The following CASZ1 variants were observed in gnomAD, a reference collection of about 807,000 sequenced individuals.
CASZ1 encodes the protein castor zinc finger 1.
CASZ1 carries 28 observed loss-of-function variants against 135.2 expected under a neutral mutation model. The observed-to-expected ratio is 0.21, with a 90% CI of 0.15 to 0.28. CASZ1 has a LOEUF of 0.28. Among genes scored for constraint, CASZ1 ranks in the 10% least tolerant of loss-of-function variants. The probability of loss-of-function intolerance (pLI) is 1.00; values close to 1 mark genes in which losing one functional copy is unlikely to be tolerated. For synonymous variants in CASZ1, 1,068 were observed against 1,073.4 expected (o/e 0.99, Z 0.10); for missense variants, 2,161 against 2,453.3 (o/e 0.88, Z 2.52).
Position 10,642,841 on chromosome 1 carries a change from C to A in CASZ1, c.4162+18G>T, listed in dbSNP as rs1178029025. The A allele has an allele frequency of 6.2e-7, 1 of 1,609,670 alleles. No homozygotes were observed. ...GAGTGGGGCCTGGCCCTGCCAGCAGCCCCTGCCTGCCGCTCACCTGCCGCG... is the reference window on the plus strand; with the variant it reads ...GAGTGGGGCCTGGCCCTGCCAGCAGACCCTGCCTGCCGCTCACCTGCCGCG... On this transcript the variant is annotated intron_variant, in intron 20 of 20. Transcript: ENST00000377022.
intron 4 of CASZ1, among the ~76,000 whole-genome samples, chr1:10,667,448 A>G (rs986963289): frequency 2.0e-5 from 3 of 152,124 alleles, no homozygotes; most frequent in South Asian, 2.1e-4. Context: ...CACATCTCCA[A>G]GTCTGTGCCA....
In CASZ1 at chr1:10,762,291, C is replaced by A. The variant is rs574130063; in HGVS notation, c.-233-1434G>T. 1.3e-5 allele frequency among the ~76,000 whole-genome samples: 2 copies of A among 152,122 alleles called. No homozygotes were observed. The highest frequency in any genetic ancestry group is 2.9e-5 in the Non-Finnish European group (2 of 68,016). ...TTGGATCAGCCCAGCTCCCATCCCA[C>A]CCCTCGGCGCCACACAGGGTTAACA... is the stretch of plus-strand genomic sequence containing the variant. On this transcript the variant is annotated intron_variant, in intron 1 of 20. Coordinates refer to ENST00000377022, the MANE Select transcript of CASZ1 (RefSeq NM_001079843.3). This position sits in a 1 kb window ranked among gnomAD's most constrained non-coding sequence, Gnocchi z 4.1.
chr1:10,682,949 C>A (rs1288809446), intron 4 of CASZ1, among the ~76,000 whole-genome samples: 1 of 152,246 alleles, frequency 6.6e-6, no homozygotes, highest in Non-Finnish European at 1.5e-5. Flanking sequence ...TCCAGGCCTG[C>A]CTGTCCATTC....
intron 20 of CASZ1, among the ~76,000 whole-genome samples, chr1:10,640,352 C>G (rs776793026): frequency 1.2e-4 from 18 of 152,192 alleles, no homozygotes; most frequent in Non-Finnish European, 2.6e-4. Flanking sequence ...TGCTTCCTGG[C>G]CAGTTTGGGT....
Position 10,666,741 on chromosome 1 carries a change from C to G in CASZ1, c.17-1170G>C, listed in dbSNP as rs1643248674. On this transcript the variant is annotated intron_variant, in intron 4 of 20. Transcript: ENST00000377022. The surrounding 1 kb of genome is among the most constrained non-coding windows in gnomAD (Gnocchi z 5.2). ...CTGGGGGGGCATACGGCAAGCCCAC[C>G]CACCACACAGCCTGGGACCTGCCAC... 6.6e-6 allele frequency among the ~76,000 whole-genome samples: 1 copy of G among 152,208 alleles called. No individual in the cohort carries two copies. Among genetic ancestry groups the G allele is most frequent in the Non-Finnish European group, 1.5e-5 (1 of 68,030 alleles).
At chr1:10,642,379 A>G (rs1570395826) in intron 20 of CASZ1, 1 of 156,402 alleles carries the variant, frequency 6.4e-6, no homozygotes. Flanking sequence ...AAAACAAAGA[A>G]CAAACAAACA....
At position 10,725,343 on chromosome 1, in the gene CASZ1, C is replaced by G. The variant is rs905651650; in HGVS notation, c.-76-19799G>C. Among the ~76,000 whole-genome samples, 7 of 152,182 alleles carry G rather than the reference C, an allele frequency of 4.6e-5. No homozygotes were observed. The highest frequency in any genetic ancestry group is 1.0e-4 in the Non-Finnish European group (7 of 68,024). ...TGCGTGTGGCTGTCAGCTGAGCTCC[C>G]CTCCCGCCCTCCCTCTCCGGCAGGC... On this transcript the variant is annotated intron_variant, in intron 2 of 20. Transcript: ENST00000377022. The surrounding 1 kb of genome is among the most constrained non-coding windows in gnomAD (Gnocchi z 4.4).
rs1264076182 is a variant in CASZ1 at position 10,693,877 on chromosome 1, T to C, written c.13A>G (p.Thr5Ala). MDLG[T>A]AEGTRCTDPP... ...CTGCGTTCCCACCGGCCGGTACCTG[T>C]TCCAAGATCCATTCTCTTCTCCTTG... Residue 5 changes from threonine (T) to alanine (A), a missense_variant, in exon 4 of 21, where the codon ACA becomes GCA. Physicochemically the swap from Thr to Ala is moderately conservative, Grantham distance 58. Transcript: ENST00000377022. The C allele has an allele frequency of 6.2e-7, 1 of 1,610,224 alleles. No homozygotes were observed.
In CASZ1 at chr1:10,638,562, G is replaced by C. The variant is rs993839010; in HGVS notation, c.*380C>G. On this transcript the variant is annotated 3_prime_UTR_variant, in exon 21 of 21. Transcript: ENST00000377022. This position sits in a 1 kb window ranked among gnomAD's most constrained non-coding sequence, Gnocchi z 5.9. ...CCCCGCCCTGGTGGCGCGCGGTGGG[G>C]GTCCCGGTGGCCCCCAGCGCCCGTC... 10 of 151,268 alleles carry C rather than the reference G, an allele frequency of 6.6e-5. No homozygotes were observed. Among genetic ancestry groups the C allele is most frequent in the African/African-American group, 1.9e-4 (8 of 41,200 alleles). 9.4% of individuals were successfully genotyped at this position (151,268 alleles called of 1,614,324 possible). A position where few individuals can be genotyped will look rare whatever the true frequency, so the allele number is the denominator to read the frequency against.
chr1:10,714,616 C>T (rs533788970), intron 2 of CASZ1, among the ~76,000 whole-genome samples: 16 of 152,234 alleles, frequency 1.1e-4, no homozygotes, highest in Non-Finnish European at 7.3e-5. Context: ...GATTTCTGCC[C>T]AGCCAGGAAT....
At chr1:10,694,000 C>A (rs1304948405) in intron 3 of CASZ1, 88 bp from the exon 4 acceptor site, 1 of 1,323,208 alleles carries the variant, frequency 7.6e-7, no homozygotes, top group Non-Finnish European at 1.1e-6. Flanking sequence ...CCCTGCTTGT[C>A]CCCCGCCCCG....
chr1:10,640,078 G>A lies in CASZ1; in HGVS notation c.4163-19C>T. On this transcript the variant is annotated intron_variant, in intron 20 of 20. Transcript: ENST00000377022. ...GTGTTCCCTGGGGAGGGGCAGGGAG[G>A]TCAGTGCAGAAGAGGGACCCACGTG... 6.3e-7 allele frequency: 1 copy of A among 1,595,674 alleles called. No individual in the cohort carries two copies. The highest frequency in any genetic ancestry group is 1.7e-4 in the Middle Eastern group (1 of 6,016).
Position 10,653,461 on chromosome 1 carries a change from T to A in CASZ1, c.2596A>T (p.Ile866Phe), listed in dbSNP as rs372534488. 12 of 1,613,150 alleles carry A rather than the reference T, an allele frequency of 7.4e-6. No homozygotes were observed. Among genetic ancestry groups the A allele is most frequent in the Non-Finnish European group, 1.0e-5 (12 of 1,179,994 alleles). ...PAPPASIMER[I>F]SASKGLISPM... is the part of the protein sequence containing the mutation. Reference sequence around the variant, plus strand: ...GAGATGAGGCCCTTGCTTGCAGAGATCCTCTCCATGATGGAGGCGGGTGGT... The same window carrying A: ...GAGATGAGGCCCTTGCTTGCAGAGAACCTCTCCATGATGGAGGCGGGTGGT... Residue 866 changes from isoleucine (I) to phenylalanine (F), a missense_variant, in exon 11 of 21, where the codon ATC becomes TTC. Ile to Phe is a conservative substitution (Grantham distance 21, BLOSUM62 0). Coordinates refer to ENST00000377022, the MANE Select transcript of CASZ1 (RefSeq NM_001079843.3).
intron 2 of CASZ1, among the ~76,000 whole-genome samples, chr1:10,723,501 C>T (rs1369116159): frequency 6.6e-6 from 1 of 152,230 alleles, no homozygotes; most frequent in African/African-American, 2.4e-5. Flanking sequence ...GCCAGCCTCT[C>T]ACCTGCTGCC....
chr1:10,649,297 C>T lies in CASZ1; in HGVS notation c.3021G>A (p.Lys1007=). ...LVQEKLAEPW[K]VYLRRFGTKD... ...CAGCCCCTCACCTGCGCAGGTACACCTTCCAGGGCTCTGCCAACTTCTCCT... is the reference window on the plus strand; with the variant it reads ...CAGCCCCTCACCTGCGCAGGTACACTTTCCAGGGCTCTGCCAACTTCTCCT... The change falls in exon 14 of 21, where the codon AAG becomes AAA. Residue 1007 remains lysine (K), a synonymous_variant. Transcript: ENST00000377022. 1 of 1,597,540 alleles carries T rather than the reference C, an allele frequency of 6.3e-7. No individual in the cohort carries two copies. The highest frequency in any genetic ancestry group is 8.5e-7 in the Non-Finnish European group (1 of 1,171,914).
chr1:10,686,290 G>T (rs2100380293), intron 4 of CASZ1, among the ~76,000 whole-genome samples: 1 of 152,326 alleles, frequency 6.6e-6, no homozygotes, highest in South Asian at 2.1e-4. Flanking sequence ...TTCTGATAAA[G>T]TTGGCAGAAA....
rs774434294 is a variant in CASZ1 at position 10,726,365 on chromosome 1, C to A, written c.-76-20821G>T. Among the ~76,000 whole-genome samples the A allele has an allele frequency of 1.2e-4, 18 of 152,324 alleles. No individual in the cohort carries two copies. The highest frequency in any genetic ancestry group is 3.9e-4 in the Admixed American group (6 of 15,310). ...CCAACAGCCACGCTCTGGGATGCCG[C>A]CATCCTCAGCCTACTCCGTATCTCC... On this transcript the variant is annotated intron_variant, in intron 2 of 20. Transcript: ENST00000377022. The surrounding 1 kb of genome is among the most constrained non-coding windows in gnomAD (Gnocchi z 5.7).
intron 5 of CASZ1, among the ~76,000 whole-genome samples, chr1:10,664,152 T>C (rs1053587578): frequency 6.6e-6 from 1 of 152,144 alleles, no homozygotes; most frequent in African/African-American, 2.4e-5. Flanking sequence ...CATGCATAAT[T>C]ATGTGGCTGC....
intron 8 of CASZ1, 74 bp downstream of exon 8, chr1:10,656,572 C>G: frequency 8.4e-7 from 1 of 1,194,958 alleles, no homozygotes; most frequent in South Asian, 1.3e-5. Flanking sequence ...CTGCCGTCCC[C>G]GCCTGCCGAC....
Sources: allele counts gnomAD v4.1 joint callset (sites outside exome capture counted in the v4.1 genomes callset), GRCh38; gene constraint gnomAD v4.1.1; non-coding constraint Gnocchi (gnomAD v3.1); transcripts MANE v1.5; gene names NCBI Gene and HGNC (gene_info 2026-07-23, HGNC 2026-07-21).